AFG2A: variants seen among roughly 807,000 people sequenced by gnomAD.
AFG2A encodes the protein ATPase family gene 2 protein homolog A.
At chr4:122,959,893 T>C in the AFG2A span, among the ~76,000 whole-genome samples, 8 of 152,216 alleles carry the variant, frequency 5.3e-5, no homozygotes, top group African/African-American at 1.9e-4. Context: ...ATATGAAAAT[T>C]GGAAGCACTA....
the AFG2A span, among the ~76,000 whole-genome samples, chr4:123,033,245 A>C: frequency 6.6e-6 from 1 of 152,208 alleles, no homozygotes; most frequent in African/African-American, 2.4e-5. Flanking sequence ...TCGAAGGTCT[A>C]AGTGGTAGTG....
At chr4:123,218,658 TAC>T in the AFG2A span, among the ~76,000 whole-genome samples, 1 of 151,898 alleles carries the variant, frequency 6.6e-6, no homozygotes, top group Non-Finnish European at 1.5e-5. Context: ...CATACATACA[TAC>T]ATACATACAT....
At chr4:123,127,792 A>G in the AFG2A span, among the ~76,000 whole-genome samples, 92,093 of 152,020 alleles carry the variant, frequency 0.61, 32,936 homozygotes, top group East Asian at 0.97. Flanking sequence ...ATTAGAGGCT[A>G]TAGTATAACA....
chr4:123,241,928 CAA>C, the AFG2A span, among the ~76,000 whole-genome samples: 18 of 152,192 alleles, frequency 1.2e-4, no homozygotes, highest in Non-Finnish European at 7.3e-5. Context: ...GCAACTTCAG[CAA>C]AGTCTCAGGA....
At chr4:123,040,966 T>G in the AFG2A span, among the ~76,000 whole-genome samples, 1 of 152,134 alleles carries the variant, frequency 6.6e-6, no homozygotes, top group Non-Finnish European at 1.5e-5. Context: ...AGCAAATCCT[T>G]GTTTACTTAT....
the AFG2A span, among the ~76,000 whole-genome samples, chr4:123,059,451 A>G: frequency 6.6e-6 from 1 of 151,434 alleles, no homozygotes; most frequent in Admixed American, 6.6e-5. Context: ...ATGATTTCCA[A>G]TTTCATCCAT....
At chr4:123,057,877 C>T in the AFG2A span, among the ~76,000 whole-genome samples, 4 of 151,956 alleles carry the variant, frequency 2.6e-5, no homozygotes, top group Non-Finnish European at 4.4e-5. Flanking sequence ...AAATGTATAG[C>T]GGTCCTTTAA....
the AFG2A span, among the ~76,000 whole-genome samples, chr4:123,132,682 C>T: frequency 2.0e-5 from 3 of 149,386 alleles, 1 homozygote; most frequent in Admixed American, 2.0e-4. Context: ...TCAATGGACA[C>T]AGGTTGTTTC....
the AFG2A span, among the ~76,000 whole-genome samples, chr4:122,923,860 G>C: frequency 0.16 from 24,791 of 152,172 alleles, 2,486 homozygotes; most frequent in East Asian, 0.45. Context: ...AGGGAGGAAA[G>C]TTAACGTGAT....
At chr4:122,971,480 T>G in the AFG2A span, among the ~76,000 whole-genome samples, 2 of 152,236 alleles carry the variant, frequency 1.3e-5, no homozygotes, top group Non-Finnish European at 2.9e-5. Flanking sequence ...ATCAATTATG[T>G]TATAGTTTTC....
the AFG2A span, among the ~76,000 whole-genome samples, chr4:122,990,365 A>G: frequency 6.6e-6 from 1 of 152,180 alleles, no homozygotes; most frequent in Admixed American, 6.5e-5. Flanking sequence ...AAACTCTACC[A>G]TTAGAATTAT....
the AFG2A span, among the ~76,000 whole-genome samples, chr4:123,007,658 C>T: frequency 1.3e-4 from 9 of 69,034 alleles, no homozygotes; most frequent in Admixed American, 3.1e-4. Flanking sequence ...CACACACACA[C>T]ACACACACAT....
chr4:122,940,870 C>A, the AFG2A span, among the ~76,000 whole-genome samples: 1 of 151,204 alleles, frequency 6.6e-6, no homozygotes, highest in Non-Finnish European at 1.5e-5. Context: ...GTTTTCCCAG[C>A]ACCATTTATT....
At chr4:123,227,997 G>T in the AFG2A span, among the ~76,000 whole-genome samples, 1 of 151,916 alleles carries the variant, frequency 6.6e-6, no homozygotes, top group Non-Finnish European at 1.5e-5. Context: ...ATCTTTGTTG[G>T]TTTAAAGTCT....
At chr4:123,159,891 C>T in the AFG2A span, among the ~76,000 whole-genome samples, 2 of 152,242 alleles carry the variant, frequency 1.3e-5, no homozygotes, top group Non-Finnish European at 2.9e-5. Context: ...TAAATGCCAG[C>T]CAAAAGCATT....
At chr4:123,055,745 CAT>C in the AFG2A span, among the ~76,000 whole-genome samples, 11 of 152,278 alleles carry the variant, frequency 7.2e-5, no homozygotes, top group Admixed American at 2.0e-4. Context: ...GACACACACA[CAT>C]GTCTCTTGTT....
At chr4:123,316,645 A>G in the AFG2A span, 7 of 152,318 alleles carry the variant, frequency 4.6e-5, no homozygotes, top group Admixed American at 2.0e-4. Flanking sequence ...TTCCCAATAG[A>G]ATAAAAACCA....
chr4:123,264,041 C>T, the AFG2A span, among the ~76,000 whole-genome samples: 6 of 152,174 alleles, frequency 3.9e-5, no homozygotes, highest in South Asian at 6.2e-4. Flanking sequence ...TAAAAAGGAA[C>T]GAAATAATGG....
chr4:123,215,015 TTTG>T, the AFG2A span, among the ~76,000 whole-genome samples: 1 of 152,080 alleles, frequency 6.6e-6, no homozygotes, highest in Non-Finnish European at 1.5e-5. Context: ...CCCCATGCTT[TTTG>T]TGCATCAACT....
Sources: gnomAD v4.1 joint callset for allele counts (sites outside exome capture counted in the v4.1 genomes callset) on GRCh38, gnomAD v4.1.1 for gene constraint, MANE v1.5 for transcripts, NCBI Gene and HGNC (gene_info 2026-07-23, HGNC 2026-07-21) for gene names.